Variants in BTBD8 observed in about 807,000 individuals in gnomAD.
BTBD8 encodes the protein BTB/POZ domain-containing protein 8.
In BTBD8, 110 loss-of-function variants were observed where a neutral mutation model predicts 162.9. That is an observed-to-expected ratio of 0.68 (90% CI 0.58 to 0.79). The LOEUF (loss-of-function observed/expected upper bound fraction) is 0.79, where lower values mean the gene tolerates loss of function less well. BTBD8 is among the 30% of genes least tolerant of loss of function. The pLI is 0.00. For synonymous variants in BTBD8, 667 were observed against 716.1 expected (o/e 0.93, Z 1.10); for missense variants, 1,905 against 2,085.4 (o/e 0.91, Z 1.68).
At chr1:92,081,921 T>G (rs1332472950) in intron 1 of BTBD8, among the ~76,000 whole-genome samples, 1 of 152,132 alleles carries the variant, frequency 6.6e-6, no homozygotes, top group Non-Finnish European at 1.5e-5. Context: ...CACCCATACT[T>G]AAGGCTCCGA....
chr1:92,139,422 T>C lies in BTBD8; in HGVS notation c.825T>C (p.Thr275=). The C allele has an allele frequency of 6.2e-7, 1 of 1,602,418 alleles. No homozygotes were observed. The highest frequency in any genetic ancestry group is 8.5e-7 in the Non-Finnish European group (1 of 1,177,076). ...GAACTCTGGACATTCCAGACAAAACTAATGTTGGGTATGTATTCCTTTTTA... is the reference window on the plus strand; with the variant it reads ...GAACTCTGGACATTCCAGACAAAACCAATGTTGGGTATGTATTCCTTTTTA... ...YGGTLDIPDK[T]NVGQILNMAD... The change falls in exon 6 of 18, where the codon ACT becomes ACC. Residue 275 remains threonine, a synonymous_variant. Transcript: ENST00000636805.
At chr1:92,171,495 A>G in intron 13 of BTBD8, 35 bp downstream of exon 13, 1 of 1,246,844 alleles carries the variant, frequency 8.0e-7, no homozygotes, top group South Asian at 1.7e-5. Context: ...ACAAATGAAA[A>G]AGATAACAAA....
chr1:92,146,063 A>G (rs1267726848), intron 7 of BTBD8, among the ~76,000 whole-genome samples: 2 of 152,186 alleles, frequency 1.3e-5, no homozygotes, highest in East Asian at 1.9e-4. Flanking sequence ...TCATTGCACA[A>G]TTACTTTAAT....
intron 4 of BTBD8, among the ~76,000 whole-genome samples, chr1:92,118,803 CTTTTTTTT>C (rs386367658): frequency 1.7e-4 from 16 of 95,282 alleles, no homozygotes; most frequent in African/African-American, 7.5e-4. Flanking sequence ...TTCTTTCTTT[CTTTTTTTT>C]TTTTTTTTTG....
intron 15 of BTBD8, 65 bp from the exon 16 acceptor site, chr1:92,178,247 G>T: frequency 1.6e-6 from 2 of 1,251,356 alleles, no homozygotes; most frequent in Non-Finnish European, 1.1e-6. Context: ...TTCAGGTATT[G>T]GTCTTTTAAA....
Position 92,181,620 on chromosome 1 carries a change from T to C in BTBD8, c.3937T>C (p.Tyr1313His), listed in dbSNP as rs1350321418. 6.4e-7 allele frequency: 1 copy of C among 1,550,728 alleles called. No individual in the cohort carries two copies. Among genetic ancestry groups the C allele is most frequent in the East Asian group, 2.4e-5 (1 of 40,924 alleles). The stretch of plus-strand genomic sequence containing the variant: ...CAGTACTCCTGAAGAATTAAAAATT[T>C]ATGATAGTAATTTAAGAATTGAAGT... ...DTSTPEELKI[Y>H]DSNLRIEVKM... Residue 1313 changes from tyrosine to histidine, a missense_variant, in exon 17 of 18, where the codon TAT becomes CAT. Tyr to His is a moderately conservative substitution (Grantham distance 83). This residue lies in a region of BTBD8 where 517 missense variants were observed against 606.6 expected (regional missense o/e 0.85). Transcript: ENST00000636805.
intron 2 of BTBD8, among the ~76,000 whole-genome samples, chr1:92,098,164 A>G (rs1648501873): frequency 6.6e-6 from 1 of 152,180 alleles, no homozygotes; most frequent in African/African-American, 2.4e-5. Context: ...AGCCACCTTT[A>G]CATTTAGAGA....
Position 92,180,416 on chromosome 1 carries a change from G to A in BTBD8, c.2733G>A (p.Lys911=). Residue 911 remains lysine, a synonymous_variant, in exon 17 of 18, where the codon AAG becomes AAA. Transcript: ENST00000636805. ...MVKQVHTALP[K]VNAKIVAMPK... ...AGCAAGTACACACAGCTTTGCCTAA[G>A]GTTAATGCAAAAATAGTGGCAATGC... 2 of 1,551,476 alleles carry A rather than the reference G, an allele frequency of 1.3e-6. No individual in the cohort carries two copies. Among genetic ancestry groups the A allele is most frequent in the Non-Finnish European group, 1.7e-6 (2 of 1,146,920 alleles).
intron 17 of BTBD8, 109 bp from the exon 18 acceptor site, chr1:92,183,755 G>GATT (rs375293916): frequency 2.5e-6 from 1 of 405,376 alleles, no homozygotes; most frequent in Non-Finnish European, 4.1e-6. Flanking sequence ...CCCATTCTGT[G>GATT]TTTTTTTTTT....
At chr1:92,165,679 G>T (rs1422003056) in intron 9 of BTBD8, among the ~76,000 whole-genome samples, 1 of 152,102 alleles carries the variant, frequency 6.6e-6, no homozygotes, top group Non-Finnish European at 1.5e-5. Flanking sequence ...TCTTCTGCTG[G>T]TCTTGCCTGT....
intron 9 of BTBD8, among the ~76,000 whole-genome samples, chr1:92,155,049 TTACTA>T (rs1391277517): frequency 1.3e-5 from 2 of 152,164 alleles, no homozygotes; most frequent in African/African-American, 4.8e-5. Context: ...CTTGGCACCT[TTACTA>T]AAGAGCAGTT....
In BTBD8 at chr1:92,136,881, T is replaced by C. The variant is rs77343521; in HGVS notation, c.753-2469T>C. On this transcript the variant is annotated intron_variant, in intron 5 of 17. Coordinates refer to ENST00000636805, the MANE Select transcript of BTBD8 (RefSeq NM_001376131.1). ...GAGCCAATAGCATTCAGAATACTTA[T>C]TAGCTCAGGGACTGGCTCATAAGTG... Among the ~76,000 whole-genome samples, 164 of 152,348 alleles carry C rather than the reference T, an allele frequency of 1.1e-3. 1 individual carries two copies. In the East Asian group the frequency reaches 0.02, roughly 19 times the overall value.
intron 3 of BTBD8, among the ~76,000 whole-genome samples, chr1:92,107,674 A>G (rs1379239425): frequency 1.3e-5 from 2 of 152,206 alleles, no homozygotes; most frequent in African/African-American, 2.4e-5. Context: ...ATGCATGACT[A>G]TATCTATATT....
chr1:92,147,616 C>A, intron 8 of BTBD8, 68 bp from the exon 9 acceptor site: 1 of 1,334,900 alleles, frequency 7.5e-7, no homozygotes, highest in Admixed American at 2.1e-5. Flanking sequence ...AATTGAAAAC[C>A]AAAATATTGA....
At chr1:92,110,427 T>C (rs1272921089) in intron 4 of BTBD8, among the ~76,000 whole-genome samples, 3 of 152,232 alleles carry the variant, frequency 2.0e-5, no homozygotes, top group Non-Finnish European at 4.4e-5. Flanking sequence ...ATTACAGTTG[T>C]TACTGAGCAC....
rs7523552 is a variant in BTBD8 at position 92,180,975 on chromosome 1, A to T, written c.3292A>T (p.Asn1098Tyr). 4.3e-3 allele frequency: 6,715 copies of T among 1,551,718 alleles called. 231 individuals carry two copies. In the African/African-American group the frequency reaches 0.074, roughly 17 times the overall value. ...TALKYMVSNP[N>Y]ENSLNSNPVC... Reference sequence around the variant, plus strand: ...CCTAAAATACATGGTTTCAAATCCAAATGAAAACTCCTTGAACTCTAATCC... The same window carrying T: ...CCTAAAATACATGGTTTCAAATCCATATGAAAACTCCTTGAACTCTAATCC... Residue 1098 changes from asparagine (N) to tyrosine (Y), a missense_variant, in exon 17 of 18, where the codon AAT becomes TAT. By Grantham distance (143) the Asn-to-Tyr change is moderately radical. This residue lies in a region of BTBD8 where 1,374 missense variants were observed against 1,442.7 expected (regional missense o/e 0.95). Transcript: ENST00000636805.
At chr1:92,173,195 G>A (rs1385201167) in intron 13 of BTBD8, among the ~76,000 whole-genome samples, 1 of 152,230 alleles carries the variant, frequency 6.6e-6, no homozygotes, top group Non-Finnish European at 1.5e-5. Context: ...AAAGTCCTGG[G>A]ATTGCAGGCG....
intron 1 of BTBD8, among the ~76,000 whole-genome samples, chr1:92,088,178 T>C (rs946461835): frequency 6.6e-6 from 1 of 152,206 alleles, no homozygotes; most frequent in African/African-American, 2.4e-5. Context: ...GATTTCAGAC[T>C]TGTTAATTAA....
At chr1:92,167,256 C>A in intron 10 of BTBD8, 116 bp downstream of exon 10, 1 of 1,268,430 alleles carries the variant, frequency 7.9e-7, no homozygotes, top group Non-Finnish European at 1.1e-6. Flanking sequence ...TTTAAATAAA[C>A]TCCATAGCAG....
Sources: allele counts gnomAD v4.1 joint callset (sites outside exome capture counted in the v4.1 genomes callset), GRCh38; gene constraint gnomAD v4.1.1; regional missense constraint gnomAD v4.1.1; transcripts MANE v1.5; gene names NCBI Gene and HGNC (gene_info 2026-07-23, HGNC 2026-07-21).